The following DHPS variants were observed in gnomAD, a reference collection of about 807,000 sequenced individuals.
DHPS encodes the protein deoxyhypusine synthase, also known as migration-inducing gene 13.
DHPS carries 24 observed loss-of-function variants against 38.7 expected under a neutral mutation model. That is an observed-to-expected ratio of 0.62 (90% CI 0.45 to 0.87). The LOEUF is 0.87. DHPS is among the 40% of genes least tolerant of loss of function. DHPS has a pLI of 0.00. For missense variants in DHPS, 510 were observed against 497.6 expected (o/e 1.02, Z -0.24); for synonymous variants, 250 against 204.4 (o/e 1.22, Z -1.90).
rs780759776 is a variant in DHPS, at chr19:12,677,384, CAG to C, written c.689_690del (p.Pro230ArgfsTer3). 3.7e-6 allele frequency: 6 copies of C among 1,613,818 alleles called. No homozygotes were observed. The highest frequency in any genetic ancestry group is 3.3e-5 in the Admixed American group (2 of 59,972). ...VYYWAQKNHI[P>X]VFSPALTDGS... The stretch of plus-strand genomic sequence containing the variant: ...CCGTCTGTAAGTGCGGGACTAAACA[CAG>C]GGATGTGGTTCTGCAGAGAACATGA... On this transcript the variant is annotated frameshift_variant, in exon 6 of 9. Transcript: ENST00000210060. LOFTEE classifies it high-confidence loss of function.
chr19:12,677,043 G>T, intron 7 of DHPS, 65 bp downstream of exon 7: 2 of 1,473,012 alleles, frequency 1.4e-6, no homozygotes, highest in Non-Finnish European at 1.9e-6. Flanking sequence ...TGTCTACCCA[G>T]CACATGGCAT....
chr19:12,674,883 A>T (rs533181482), downstream of DHPS, among the ~76,000 whole-genome samples: 6 of 152,174 alleles, frequency 3.9e-5, no homozygotes, highest in East Asian at 9.7e-4. Flanking sequence ...TGGGAGGCCG[A>T]GGGGGGTGGA....
At chr19:12,673,322 G>A (rs1342637053), downstream of DHPS, 1 of 1,612,258 alleles carries the variant, frequency 6.2e-7, no homozygotes. Flanking sequence ...TGGAGGTGAG[G>A]TGCCCCCAGC....
At chr19:12,673,389 C>G, downstream of DHPS, 2 of 923,318 alleles carry the variant, frequency 2.2e-6, no homozygotes, top group Non-Finnish European at 3.4e-6. Flanking sequence ...CTCAGTCACT[C>G]CAGGGCCTGA....
Position 12,681,442 on chromosome 19 carries a change from T to C in DHPS, c.207+118A>G, listed in dbSNP as rs2024808844. 4.0e-6 allele frequency: 5 copies of C among 1,263,256 alleles called. No individual in the cohort carries two copies. In the South Asian group the frequency reaches 7.1e-5, roughly 18 times the overall value. The allele number at this position is 1,263,256 out of a possible 1,614,324, so 78.3% of individuals were successfully genotyped here. On this transcript the variant is annotated intron_variant, in intron 1 of 8. Transcript: ENST00000210060. The stretch of plus-strand genomic sequence containing the variant: ...ATAGGTCCCGCCTTCCTCCAACTAT[T>C]GGGCAACTCAAATAAAAGACATATC...
Position 12,681,808 on chromosome 19 carries a change from G to C in DHPS, c.-42C>G, listed in dbSNP as rs745718525. 1.9e-6 allele frequency: 3 copies of C among 1,570,568 alleles called. No individual in the cohort carries two copies. The highest frequency in any genetic ancestry group is 2.6e-6 in the Non-Finnish European group (3 of 1,157,292). ...CTCGAGTCAAAGCTGCCCCTAGGCCGGGCTTACGGCGGCCCAGAAACGCGT... is the reference window on the plus strand; with the variant it reads ...CTCGAGTCAAAGCTGCCCCTAGGCCCGGCTTACGGCGGCCCAGAAACGCGT... On this transcript the variant is annotated 5_prime_UTR_variant, in exon 1 of 9. Coordinates refer to ENST00000210060, the MANE Select transcript of DHPS (RefSeq NM_001930.4).
chr19:12,681,379 G>T (rs760617637), intron 1 of DHPS, 181 bp downstream of exon 1: 1 of 987,938 alleles, frequency 1.0e-6, no homozygotes, highest in Non-Finnish European at 1.5e-6. Context: ...CTACCAGAGT[G>T]CAAAATCCCC....
intron 1 of DHPS, 191 bp downstream of exon 1, chr19:12,681,369 C>G: frequency 1.0e-6 from 1 of 986,464 alleles, no homozygotes; most frequent in Non-Finnish European, 1.5e-6. Flanking sequence ...CAGCATGTAA[C>G]TACCAGAGTG....
At chr19:12,681,539 G>A (rs756997147) in intron 1 of DHPS, 21 bp downstream of exon 1, 3 of 1,613,744 alleles carry the variant, frequency 1.9e-6, no homozygotes, top group South Asian at 1.1e-5. Context: ...CGCGTCCCTA[G>A]AAATTCCGCC....
chr19:12,676,214 T>C (rs2024582661), intron 7 of DHPS, 72 bp from the exon 8 acceptor site: 8 of 1,503,928 alleles, frequency 5.3e-6, no homozygotes, highest in Non-Finnish European at 6.2e-6. Flanking sequence ...GAGGACACCG[T>C]AGCCAAACAG....
At position 12,681,777 on chromosome 19, in the gene DHPS, C is replaced by A. The variant is rs369375567; in HGVS notation, c.-11G>T. 2 of 1,603,626 alleles carry A rather than the reference C, an allele frequency of 1.2e-6. No individual in the cohort carries two copies. Among genetic ancestry groups the A allele is most frequent in the Non-Finnish European group, 1.7e-6 (2 of 1,179,090 alleles). On this transcript the variant is annotated 5_prime_UTR_variant, in exon 1 of 9. Transcript: ENST00000210060. ...CAGGGAACCTTCCATGCGCCTATAG[C>A]CGGCTCTCGAGTCAAAGCTGCCCCT...
At chr19:12,675,578 A>AC, downstream of DHPS, 1 of 1,605,980 alleles carries the variant, frequency 6.2e-7, no homozygotes, top group Non-Finnish European at 8.5e-7. Flanking sequence ...TCGCTGGCCT[A>AC]CCACCCAACA....
rs2024732468 is a variant in DHPS, at chr19:12,679,657, A to G, written c.557T>C (p.Ile186Thr). Residue 186 changes from isoleucine (I) to threonine (T), a missense_variant, in exon 4 of 9, where the codon ATT becomes ACT. Transcript: ENST00000210060. ...CTGCTCCATCACCATCTGGTCCAGA[A>G]TGGGCATCAGCCAGTCCTCAAACTT... Reference protein sequence around the residue: ...YCKFEDWLMPILDQMVMEQNT... With the variant: ...YCKFEDWLMPTLDQMVMEQNT... 1.2e-6 allele frequency: 2 copies of G among 1,614,172 alleles called. No homozygotes were observed. Among genetic ancestry groups the G allele is most frequent in the Non-Finnish European group, 1.7e-6 (2 of 1,180,034 alleles).
chr19:12,678,790 A>G (rs1054918957), intron 5 of DHPS, among the ~76,000 whole-genome samples: 8 of 137,920 alleles, frequency 5.8e-5, no homozygotes, highest in Non-Finnish European at 9.7e-5. Context: ...AAAAAAAAAA[A>G]AGACTATGTA....
At position 12,681,859 on chromosome 19, in the gene DHPS, A is replaced by G; in HGVS notation, c.-93T>C. 8.8e-7 allele frequency: 1 copy of G among 1,140,330 alleles called. No homozygotes were observed. The highest frequency in any genetic ancestry group is 1.3e-6 in the Non-Finnish European group (1 of 792,776). 70.6% of individuals were successfully genotyped at this position (1,140,330 alleles called of 1,614,324 possible). On this transcript the variant is annotated 5_prime_UTR_variant, in exon 1 of 9. Transcript: ENST00000210060. Reference sequence around the variant, plus strand: ...TAAACCCCGACGCGCGCGTCTCCGCAAGAGCACAGGAAGTAGGGAACGTGC... The same window carrying G: ...TAAACCCCGACGCGCGCGTCTCCGCGAGAGCACAGGAAGTAGGGAACGTGC...
intron 5 of DHPS, among the ~76,000 whole-genome samples, chr19:12,678,802 C>CTTTT (rs745590908): frequency 1.9e-5 from 2 of 106,950 alleles, no homozygotes; most frequent in African/African-American, 7.0e-5. Context: ...GACTATGTAG[C>CTTTT]TTTTTTTTTT....
chr19:12,676,978 C>T lies in DHPS; in HGVS notation c.888+130G>A, dbSNP rs563746026. ...GTGGATGTCACTTGTTTGCTATCTC[C>T]CCTACTAGAACATCAGTCCCGGGGA... On this transcript the variant is annotated intron_variant, in intron 7 of 8. Transcript: ENST00000210060. 3.7e-3 allele frequency: 2,922 copies of T among 789,954 alleles called. 22 individuals are homozygous for T. The highest frequency in any genetic ancestry group is 3.4e-3 in the Non-Finnish European group (1,619 of 478,170). 48.9% of individuals were successfully genotyped at this position (789,954 alleles called of 1,614,324 possible).
chr19:12,672,872 T>A, downstream of DHPS: 1 of 1,593,608 alleles, frequency 6.3e-7, no homozygotes, highest in Non-Finnish European at 8.5e-7. Context: ...CGTGAGACGC[T>A]ATGACCTAAG....
At chr19:12,673,863 C>G (rs1452956848), downstream of DHPS, among the ~76,000 whole-genome samples, 1 of 152,036 alleles carries the variant, frequency 6.6e-6, no homozygotes, top group East Asian at 1.9e-4. Flanking sequence ...CCATACCTGG[C>G]TAATTTTTGT....
Sources: gnomAD v4.1 joint callset for allele counts (sites outside exome capture counted in the v4.1 genomes callset) on GRCh38, gnomAD v4.1.1 for gene constraint, MANE v1.5 for transcripts, NCBI Gene and HGNC (gene_info 2026-07-23, HGNC 2026-07-21) for gene names.